The following VCF1 variants were observed in gnomAD, a reference collection of about 807,000 sequenced individuals.
The protein encoded by VCF1 is protein VCF1.
chr17:73,232,211 T>C, the VCF1 span: 1 of 1,611,016 alleles, frequency 6.2e-7, no homozygotes, highest in South Asian at 1.1e-5. Flanking sequence ...GGGCCTTGGC[T>C]CTCGCAGCCG....
At chr17:73,208,174 A>C in the VCF1 span, 1 of 1,546,330 alleles carries the variant, frequency 6.5e-7, no homozygotes, top group African/African-American at 1.4e-5. Flanking sequence ...ACCGACAGCA[A>C]AGTCCTCTGA....
At chr17:73,218,476 A>G in the VCF1 span, among the ~76,000 whole-genome samples, 1 of 65,080 alleles carries the variant, frequency 1.5e-5, no homozygotes, top group South Asian at 4.9e-4. Flanking sequence ...TATTATTAGT[A>G]TCACTTTCAC....
chr17:73,211,498 G>A, the VCF1 span, among the ~76,000 whole-genome samples: 381 of 151,644 alleles, frequency 2.5e-3, 1 homozygote, highest in Admixed American at 3.5e-3. Flanking sequence ...AACCTGGGGG[G>A]TGGAGGTTGC....
the VCF1 span, among the ~76,000 whole-genome samples, chr17:73,225,039 GGACGGCACAGCAGGCTATTCTGGTCAAT>G: frequency 6.6e-6 from 1 of 151,984 alleles, no homozygotes; most frequent in South Asian, 2.1e-4. Flanking sequence ...GGACAGCACA[GGACGGCACAGCAGGCTATTCTGGTCAAT>G]GTTCAGTAAG....
chr17:73,207,455 A>G, the VCF1 span: 1 of 698,042 alleles, frequency 1.4e-6, no homozygotes, highest in Non-Finnish European at 2.5e-6. Context: ...ATGCCCGCTG[A>G]CACTACCAAG....
the VCF1 span, among the ~76,000 whole-genome samples, chr17:73,223,260 C>A: frequency 6.6e-6 from 1 of 152,062 alleles, no homozygotes; most frequent in African/African-American, 2.4e-5. Flanking sequence ...GAGGTTATGG[C>A]AAGCCGAGAT....
the VCF1 span, chr17:73,229,455 G>A: frequency 1.0e-6 from 1 of 985,214 alleles, no homozygotes; most frequent in African/African-American, 1.7e-5. Flanking sequence ...AACCATCTAG[G>A]TGCAGATTAC....
the VCF1 span, among the ~76,000 whole-genome samples, chr17:73,214,062 A>C: frequency 1.3e-5 from 2 of 152,342 alleles, no homozygotes; most frequent in South Asian, 4.1e-4. Context: ...TGATACTGCC[A>C]ATATGATTTT....
the VCF1 span, chr17:73,229,363 C>G: frequency 1.0e-6 from 1 of 985,330 alleles, no homozygotes; most frequent in Non-Finnish European, 1.2e-6. Context: ...TTCAATCAAT[C>G]AGATTACAAT....
the VCF1 span, among the ~76,000 whole-genome samples, chr17:73,225,451 C>CT: frequency 4.0e-5 from 6 of 151,096 alleles, no homozygotes; most frequent in East Asian, 7.8e-4. Context: ...CAATTTCTTT[C>CT]TTTTTTTTTA....
At chr17:73,215,386 G>A in the VCF1 span, among the ~76,000 whole-genome samples, 1 of 152,140 alleles carries the variant, frequency 6.6e-6, no homozygotes, top group Non-Finnish European at 1.5e-5. Flanking sequence ...ATGCTCAAAC[G>A]ATCCTCCTGC....
chr17:73,217,510 C>T, the VCF1 span, among the ~76,000 whole-genome samples: 12 of 152,040 alleles, frequency 7.9e-5, no homozygotes, highest in East Asian at 1.9e-3. Flanking sequence ...ATTAGCTGGG[C>T]GTGGTGGCGT....
At chr17:73,214,184 A>AT in the VCF1 span, among the ~76,000 whole-genome samples, 2 of 152,050 alleles carry the variant, frequency 1.3e-5, no homozygotes, top group Non-Finnish European at 2.9e-5. Flanking sequence ...TTTGGTTTCT[A>AT]TTTTCTGACA....
the VCF1 span, among the ~76,000 whole-genome samples, chr17:73,212,894 AT>A: frequency 6.6e-6 from 1 of 151,800 alleles, no homozygotes; most frequent in Non-Finnish European, 1.5e-5. Context: ...TCTGTACATA[AT>A]TTTTTTTTAT....
chr17:73,219,191 CAAAAAA>C, the VCF1 span, among the ~76,000 whole-genome samples: 1 of 41,856 alleles, frequency 2.4e-5, no homozygotes, highest in African/African-American at 9.9e-5. Context: ...AACTCCGTCT[CAAAAAA>C]AAAAAAAAAA....
the VCF1 span, among the ~76,000 whole-genome samples, chr17:73,216,387 A>G: frequency 1.3e-5 from 2 of 152,340 alleles, no homozygotes; most frequent in Admixed American, 1.3e-4. Context: ...AAGTTTGAAT[A>G]GAGTCAAGGA....
the VCF1 span, chr17:73,212,677 C>T: frequency 6.3e-7 from 1 of 1,594,460 alleles, no homozygotes; most frequent in South Asian, 1.1e-5. Context: ...TAGAAACCCA[C>T]CGCGCAGAAC....
chr17:73,228,222 T>C, the VCF1 span, among the ~76,000 whole-genome samples: 5 of 152,354 alleles, frequency 3.3e-5, no homozygotes, highest in Non-Finnish European at 7.3e-5. Flanking sequence ...GAGGTCTGTA[T>C]GTACATGGCA....
chr17:73,207,966 C>T, the VCF1 span: 1 of 1,238,040 alleles, frequency 8.1e-7, no homozygotes, highest in Non-Finnish European at 1.0e-6. Context: ...AAAAACCATC[C>T]AGTCCCTAAG....
Sources: gnomAD v4.1 joint callset for allele counts (sites outside exome capture counted in the v4.1 genomes callset) on GRCh38, gnomAD v4.1.1 for gene constraint, MANE v1.5 for transcripts, NCBI Gene and HGNC (gene_info 2026-07-23, HGNC 2026-07-21) for gene names.